The following RRM2B variants were observed in gnomAD, a reference collection of about 807,000 sequenced individuals.
RRM2B encodes ribonucleotide reductase regulatory TP53 inducible subunit M2B, also known as ribonucleoside-diphosphate reductase subunit M2 B.
In RRM2B, 20 loss-of-function variants were observed where a neutral mutation model predicts 45.9. The ratio of observed to expected loss-of-function variants is 0.44; its 90% CI spans 0.31 to 0.63. The LOEUF (loss-of-function observed/expected upper bound fraction) is 0.63. RRM2B is among the 30% of genes least tolerant of loss of function. The pLI, the probability that RRM2B is intolerant of heterozygous loss-of-function variation, is 0.09. For missense variants in RRM2B, 320 were observed against 414.7 expected, an observed-to-expected ratio of 0.77 and a Z score of 1.98; for synonymous variants, 124 against 132.3, an observed-to-expected ratio of 0.94 and a Z score of 0.43.
At chr8:102,232,001 ACAT>A (rs1486916844) in intron 2 of RRM2B, 145 bp downstream of exon 2, 7 of 756,700 alleles carry the variant, frequency 9.3e-6, no homozygotes, top group Admixed American at 2.4e-5. Context: ...AACATTGAGA[ACAT>A]CATATTTAGT....
At chr8:102,209,216 T>G (rs759337322) in intron 8 of RRM2B, among the ~76,000 whole-genome samples, 29 of 151,996 alleles carry the variant, frequency 1.9e-4, no homozygotes, top group Admixed American at 7.2e-4. Context: ...GATATTTCAG[T>G]GATTCACAAG....
chr8:102,212,958 A>T, intron 7 of RRM2B, 69 bp from the exon 8 acceptor site: 1 of 830,218 alleles, frequency 1.2e-6, no homozygotes, highest in African/African-American at 1.7e-5. Context: ...AAATAGAAAG[A>T]GGACTTTCGT....
chr8:102,238,941 A>G lies in RRM2B; in HGVS notation c.-67T>C. 2.0e-6 allele frequency: 3 copies of G among 1,537,946 alleles called. No individual in the cohort carries two copies. The highest frequency in any genetic ancestry group is 1.8e-6 in the Non-Finnish European group (2 of 1,124,930). The stretch of plus-strand genomic sequence containing the variant: ...GCTCCTCAGGCCACCTCCAACTACG[A>G]CAGCACCCAGGTGGTCCGCTGGTCC... On this transcript the variant is annotated 5_prime_UTR_variant, in exon 1 of 9. Coordinates refer to ENST00000251810, the MANE Select transcript of RRM2B (RefSeq NM_015713.5).
intron 4 of RRM2B, among the ~76,000 whole-genome samples, chr8:102,224,427 G>A (rs553039301): frequency 6.6e-6 from 1 of 152,038 alleles, no homozygotes; most frequent in Non-Finnish European, 1.5e-5. Flanking sequence ...ACCTGCTTCG[G>A]CCTCCCAAGG....
rs116564826 is a variant in RRM2B at position 102,213,117 on chromosome 8, G to A, written c.790-228C>T. On this transcript the variant is annotated intron_variant, in intron 7 of 8. Transcript: ENST00000251810. ...TCGAAGAGCCAAAATAAATGGAAAC[G>A]AACTACCAAATTACTGGATTTCTTG... Among the ~76,000 whole-genome samples the A allele has an allele frequency of 3.8e-3, 580 of 152,136 alleles. 5 individuals carry two copies. Among genetic ancestry groups the A allele is most frequent in the African/African-American group, 0.013 (557 of 41,506 alleles).
chr8:102,235,426 T>C (rs566487949), intron 1 of RRM2B, among the ~76,000 whole-genome samples: 1 of 152,126 alleles, frequency 6.6e-6, no homozygotes, highest in African/African-American at 2.4e-5. Flanking sequence ...CAGACAAAAA[T>C]TTTGCTTCTC....
chr8:102,221,022 T>C (rs1445924353), intron 5 of RRM2B, among the ~76,000 whole-genome samples: 5 of 152,230 alleles, frequency 3.3e-5, no homozygotes, highest in Admixed American at 1.3e-4. Flanking sequence ...TAAGATTGTG[T>C]AGCTAATATT....
chr8:102,211,004 C>CAG lies in RRM2B; in HGVS notation c.903+1770_903+1771dup, dbSNP rs147839097. 2.8e-3 allele frequency among the ~76,000 whole-genome samples: 416 copies of CAG among 148,246 alleles called. 1 individual carries two copies. The highest frequency in any genetic ancestry group is 7.2e-3 in the Middle Eastern group (2 of 278). On this transcript the variant is annotated intron_variant, in intron 8 of 8. Transcript: ENST00000251810. ...ATTTTAAAGGAGATACATGTATATG[C>CAG]AGAGAGAGAGAGAGAGAGAGCGAGA... is the stretch of plus-strand genomic sequence containing the variant.
chr8:102,213,422 G>C (rs960754254), intron 7 of RRM2B, among the ~76,000 whole-genome samples: 2 of 152,090 alleles, frequency 1.3e-5, no homozygotes, highest in Admixed American at 1.3e-4. Flanking sequence ...TAACCACTTG[G>C]ATTTAGTTCT....
chr8:102,208,347 G>A, intron 8 of RRM2B, 62 bp from the exon 9 acceptor site: 12 of 1,245,490 alleles, frequency 9.6e-6, no homozygotes, highest in African/African-American at 1.5e-5. Context: ...CACAATAAGA[G>A]CAAAGATGAC....
intron 1 of RRM2B, chr8:102,238,475 G>T (rs1330725632): frequency 1.6e-6 from 2 of 1,232,584 alleles, no homozygotes; most frequent in African/African-American, 3.0e-5. Context: ...CTCTTTCCTT[G>T]CCTCGGTTTC....
At chr8:102,232,434 A>G in intron 1 of RRM2B, 130 bp from the exon 2 acceptor site, 1 of 869,092 alleles carries the variant, frequency 1.2e-6, no homozygotes, top group Non-Finnish European at 1.9e-6. Flanking sequence ...TTGAATCCTT[A>G]CTGTTACCTG....
intron 6 of RRM2B, among the ~76,000 whole-genome samples, chr8:102,215,045 TA>T (rs3063793): frequency 0.21 from 12,947 of 61,830 alleles, 623 homozygotes; most frequent in East Asian, 0.38. Flanking sequence ...AGCTAAATAT[TA>T]AAAAAAAAAA....
At chr8:102,233,668 G>A (rs1053117226) in intron 1 of RRM2B, among the ~76,000 whole-genome samples, 1 of 152,148 alleles carries the variant, frequency 6.6e-6, no homozygotes, top group African/African-American at 2.4e-5. Flanking sequence ...CCAGATATAA[G>A]TACATAGCTC....
intron 5 of RRM2B, among the ~76,000 whole-genome samples, chr8:102,222,467 A>G (rs1312007764): frequency 6.6e-6 from 1 of 152,210 alleles, no homozygotes; most frequent in Non-Finnish European, 1.5e-5. Flanking sequence ...TATACGCACT[A>G]TATCACTGGT....
At chr8:102,224,752 G>T in intron 4 of RRM2B, 133 bp downstream of exon 4, 1 of 877,224 alleles carries the variant, frequency 1.1e-6, no homozygotes, top group Non-Finnish European at 1.8e-6. Flanking sequence ...ACATTATTAA[G>T]CAATAGAAAA....
intron 8 of RRM2B, among the ~76,000 whole-genome samples, chr8:102,211,056 G>T (rs182968318): frequency 6.6e-6 from 1 of 152,196 alleles, no homozygotes; most frequent in African/African-American, 2.4e-5. Context: ...CTGTTGCTCA[G>T]GCTGGAGTGC....
chr8:102,211,036 G>C (rs1419096025), intron 8 of RRM2B, among the ~76,000 whole-genome samples: 2 of 151,724 alleles, frequency 1.3e-5, no homozygotes, highest in African/African-American at 2.4e-5. Context: ...GAGAGAGAAA[G>C]GGTCTCACTC....
At chr8:102,233,220 T>C (rs534296841) in intron 1 of RRM2B, among the ~76,000 whole-genome samples, 20 of 152,304 alleles carry the variant, frequency 1.3e-4, no homozygotes, top group African/African-American at 4.3e-4. Context: ...CGTCCACCCA[T>C]TGTCACCTCG....
Sources: gnomAD v4.1 joint callset for allele counts (sites outside exome capture counted in the v4.1 genomes callset) on GRCh38, gnomAD v4.1.1 for gene constraint, MANE v1.5 for transcripts, NCBI Gene and HGNC (gene_info 2026-07-23, HGNC 2026-07-21) for gene names.